MACROD2: variants seen among roughly 807,000 people sequenced by gnomAD.
The protein encoded by MACROD2 is mono-ADP ribosylhydrolase 2.
MACROD2 carries 36 observed loss-of-function variants against 70.4 expected under a neutral mutation model. The ratio of observed to expected loss-of-function variants is 0.51; its 90% CI spans 0.39 to 0.68. MACROD2 has a LOEUF of 0.68. Ranked by LOEUF, MACROD2 falls within the 30% of genes least tolerant of loss-of-function variation. The pLI is 0.00. For synonymous variants in MACROD2, 172 were observed against 178.8 expected, an observed-to-expected ratio of 0.96 and a Z score of 0.30; for missense variants, 496 against 538.4, an observed-to-expected ratio of 0.92 and a Z score of 0.78.
At chr20:14,587,412 T>C (rs755975515) in intron 4 of MACROD2, among the ~76,000 whole-genome samples, 8 of 151,788 alleles carry the variant, frequency 5.3e-5, no homozygotes, top group Non-Finnish European at 7.4e-5. Context: ...TATTGTTATA[T>C]TGGTTAGAAT....
chr20:15,661,664 T>C (rs1436509804), intron 8 of MACROD2, among the ~76,000 whole-genome samples: 1 of 152,076 alleles, frequency 6.6e-6, no homozygotes, highest in Non-Finnish European at 1.5e-5. Context: ...ATCAAAACTA[T>C]AGCACCAGGG....
At chr20:14,443,596 C>T (rs2084150844) in intron 3 of MACROD2, among the ~76,000 whole-genome samples, 2 of 152,074 alleles carry the variant, frequency 1.3e-5, no homozygotes, top group Admixed American at 1.3e-4. Flanking sequence ...TGCGCCCAGC[C>T]TGATGTATGC....
At chr20:14,972,798 C>T (rs1035563915) in intron 5 of MACROD2, among the ~76,000 whole-genome samples, 1 of 152,160 alleles carries the variant, frequency 6.6e-6, no homozygotes, top group African/African-American at 2.4e-5. Context: ...AGATGCTTCA[C>T]TACTTTGAGT....
intron 5 of MACROD2, among the ~76,000 whole-genome samples, chr20:14,738,733 A>G (rs1220906471): frequency 4.0e-5 from 6 of 151,838 alleles, no homozygotes; most frequent in Non-Finnish European, 8.8e-5. Context: ...TTTACATAAA[A>G]TATCTACTCA....
At chr20:14,456,559 G>C (rs2084304445) in intron 3 of MACROD2, among the ~76,000 whole-genome samples, 2 of 151,616 alleles carry the variant, frequency 1.3e-5, no homozygotes, top group South Asian at 2.1e-4. Flanking sequence ...GACATTTCTA[G>C]GCTTATATTC....
At chr20:15,206,728 T>TTTTTTTTTTTTTTG (rs2076709030) in intron 5 of MACROD2, among the ~76,000 whole-genome samples, 1 of 64,822 alleles carries the variant, frequency 1.5e-5, no homozygotes, top group Non-Finnish European at 3.0e-5. Context: ...TATGTTTTTT[T>TTTTTTTTTTTTTTG]TTTTTTTTTT....
At chr20:15,053,972 A>G (rs1465362569) in intron 5 of MACROD2, among the ~76,000 whole-genome samples, 3 of 152,234 alleles carry the variant, frequency 2.0e-5, no homozygotes, top group Non-Finnish European at 2.9e-5. Context: ...TGGAGAAAGT[A>G]ACTGCAAATG....
intron 4 of MACROD2, among the ~76,000 whole-genome samples, chr20:14,534,276 G>C (rs928983278): frequency 7.9e-5 from 12 of 152,166 alleles, no homozygotes; most frequent in African/African-American, 2.9e-4. Flanking sequence ...GTAGAGACCA[G>C]ATGGAGAACT....
At chr20:14,959,545 C>T (rs1365887266) in intron 5 of MACROD2, among the ~76,000 whole-genome samples, 1 of 151,962 alleles carries the variant, frequency 6.6e-6, no homozygotes, top group Non-Finnish European at 1.5e-5. Flanking sequence ...AACCAACCAA[C>T]AAAAACCCAG....
chr20:14,469,222 A>C (rs1434687059), intron 3 of MACROD2, among the ~76,000 whole-genome samples: 1 of 152,052 alleles, frequency 6.6e-6, no homozygotes, highest in African/African-American at 2.4e-5. Context: ...TCAGGGTTGA[A>C]AATTGTTTTC....
At chr20:14,919,014 T>C (rs2122629287) in intron 5 of MACROD2, among the ~76,000 whole-genome samples, 1 of 152,300 alleles carries the variant, frequency 6.6e-6, no homozygotes, top group African/African-American at 2.4e-5. Flanking sequence ...TAAAGCCTTT[T>C]GTCCTAAGGA....
chr20:14,917,743 A>G (rs2074110359), intron 5 of MACROD2, among the ~76,000 whole-genome samples: 1 of 152,160 alleles, frequency 6.6e-6, no homozygotes, highest in Non-Finnish European at 1.5e-5. Flanking sequence ...AGACTGGTCA[A>G]TTGCATCTAA....
At chr20:14,819,174 T>C (rs555674169) in intron 5 of MACROD2, among the ~76,000 whole-genome samples, 37 of 151,458 alleles carry the variant, frequency 2.4e-4, no homozygotes, top group African/African-American at 8.7e-4. Flanking sequence ...GCTGAAGCAG[T>C]AGAATCACTT....
Position 14,735,913 on chromosome 20 carries a change from C to T in MACROD2, c.418+50954C>T, listed in dbSNP as rs6034022. ...TGGTGTAGCTACTGTGGAAAAGTTT[C>T]GTGATTCTTCAATATGTAAAATGTA... On this transcript the variant is annotated intron_variant, in intron 5 of 17. Transcript: ENST00000684519. Among the ~76,000 whole-genome samples the T allele has an allele frequency of 8.3e-3, 1,263 of 152,072 alleles. 16 individuals are homozygous for T. The highest frequency in any genetic ancestry group is 0.029 in the African/African-American group (1,189 of 41,438).
At chr20:14,269,804 G>GT (rs5840604) in intron 3 of MACROD2, among the ~76,000 whole-genome samples, 54,637 of 148,442 alleles carry the variant, frequency 0.37, 11,859 homozygotes, top group Non-Finnish European at 0.49. Context: ...AAACTTGTGG[G>GT]TTTTTTTTTT....
intron 5 of MACROD2, chr20:14,906,138 A>T (rs1430504577): frequency 6.6e-6 from 1 of 151,894 alleles, no homozygotes; most frequent in Non-Finnish European, 1.5e-5. Context: ...ATAAAGTATA[A>T]TAAGAGGGAA....
At chr20:15,919,714 G>C (rs949360646) in intron 10 of MACROD2, among the ~76,000 whole-genome samples, 1 of 152,028 alleles carries the variant, frequency 6.6e-6, no homozygotes, top group Non-Finnish European at 1.5e-5. Context: ...CAGCCAGGAT[G>C]ACAGTACGAG....
chr20:15,357,967 C>T (rs544597159), intron 6 of MACROD2, among the ~76,000 whole-genome samples: 8 of 152,062 alleles, frequency 5.3e-5, no homozygotes, highest in South Asian at 2.1e-4. Flanking sequence ...CCACCACGCC[C>T]GGCTAATTTT....
chr20:14,911,622 C>T (rs575541502), intron 5 of MACROD2, among the ~76,000 whole-genome samples: 1 of 152,154 alleles, frequency 6.6e-6, no homozygotes, highest in South Asian at 2.1e-4. Context: ...ATCCTTCTAC[C>T]TCAGCTTCCC....
Sources: allele counts gnomAD v4.1 joint callset (sites outside exome capture counted in the v4.1 genomes callset), GRCh38; gene constraint gnomAD v4.1.1; transcripts MANE v1.5; gene names NCBI Gene and HGNC (gene_info 2026-07-23, HGNC 2026-07-21).